The following SMARCA2 variants were observed in gnomAD, a reference collection of about 807,000 sequenced individuals.
SMARCA2 encodes SWI/SNF related BAF chromatin remodeling complex subunit ATPase 2, also known as SWI/SNF-related matrix-associated actin-dependent regulator of chromatin subfamily A member 2.
In SMARCA2, 61 loss-of-function variants were observed where a neutral mutation model predicts 199.8. The ratio of observed to expected loss-of-function variants is 0.31; its 90% CI spans 0.25 to 0.38. The LOEUF (loss-of-function observed/expected upper bound fraction) is 0.38, where lower values mean the gene tolerates loss of function less well. Ranked by LOEUF, SMARCA2 falls within the 10% of genes least tolerant of loss-of-function variation. The probability of loss-of-function intolerance (pLI) is 1.00; values close to 1 mark genes in which losing one functional copy is unlikely to be tolerated. For synonymous variants in SMARCA2, 935 were observed against 732.0 expected (o/e 1.28, Z -4.48); for missense variants, 1,344 against 2,012.2 (o/e 0.67, Z 6.35).
At chr9:2,042,650 G>T (rs1819658341) in intron 4 of SMARCA2, 1 of 151,620 alleles carries the variant, frequency 6.6e-6, no homozygotes, top group South Asian at 2.1e-4. Context: ...TTTCAGGAGA[G>T]GGCTCTATTT....
intron 6 of SMARCA2, among the ~76,000 whole-genome samples, chr9:2,055,403 C>T (rs971107023): frequency 6.6e-5 from 10 of 152,130 alleles, no homozygotes; most frequent in African/African-American, 2.2e-4. Context: ...GCGAGTTTTG[C>T]CTTGTGGACT....
chr9:2,060,570 C>G (rs931384912), intron 8 of SMARCA2, among the ~76,000 whole-genome samples: 1 of 152,160 alleles, frequency 6.6e-6, no homozygotes, highest in African/African-American at 2.4e-5. Context: ...TTAATCACAC[C>G]ACACGTACAG....
chr9:2,048,958 A>G (rs1481440220), intron 5 of SMARCA2, among the ~76,000 whole-genome samples: 1 of 152,242 alleles, frequency 6.6e-6, no homozygotes, highest in Non-Finnish European at 1.5e-5. Flanking sequence ...AAAAGTCAGT[A>G]ATAGAATAGA....
chr9:2,105,842 A>G (rs759946421), intron 23 of SMARCA2, among the ~76,000 whole-genome samples: 1 of 152,120 alleles, frequency 6.6e-6, no homozygotes, highest in African/African-American at 2.4e-5. Flanking sequence ...CTGCGTAACT[A>G]TCACTTGCTA....
chr9:2,109,632 T>G (rs909756260), intron 23 of SMARCA2, among the ~76,000 whole-genome samples: 14 of 151,366 alleles, frequency 9.2e-5, no homozygotes, highest in African/African-American at 3.4e-4. Context: ...AGATTTCTTG[T>G]GGGGGGGGTG....
intron 1 of SMARCA2, among the ~76,000 whole-genome samples, chr9:2,021,693 C>T (rs1444870756): frequency 6.6e-6 from 1 of 152,146 alleles, no homozygotes; most frequent in Non-Finnish European, 1.5e-5. Flanking sequence ...GTCCAAAATT[C>T]TGTAAAAAAT....
At chr9:2,136,436 C>T (rs1824200780) in intron 27 of SMARCA2, among the ~76,000 whole-genome samples, 1 of 152,182 alleles carries the variant, frequency 6.6e-6, no homozygotes, top group Admixed American at 6.5e-5. Flanking sequence ...GATCTGCCCA[C>T]CTCAGCCTCC....
rs1823171592 is a variant in SMARCA2, at chr9:2,115,330, AGTGTGTGTGTAT to A, written c.3457-481_3457-470del. Among the ~76,000 whole-genome samples the A allele has an allele frequency of 1.3e-5, 2 of 152,160 alleles. No individual in the cohort carries two copies. The highest frequency in any genetic ancestry group is 4.1e-4 in the South Asian group (2 of 4,822). On this transcript the variant is annotated intron_variant, in intron 24 of 33. Coordinates refer to ENST00000349721, the MANE Select transcript of SMARCA2 (RefSeq NM_003070.5). The surrounding 1 kb of genome is among the most constrained non-coding windows in gnomAD (Gnocchi z 6.0). ...GAGGAAATTGACTACCTGAGCAGTC[AGTGTGTGTGTAT>A]GTGTGTGTGTGGTAAGATGTATGTA...
chr9:2,039,623 C>A lies in SMARCA2; in HGVS notation c.513C>A (p.Pro171=), dbSNP rs148002538. ...CCATGAGCCAGCCCAACAGAGGTCC[C>A]TCACCTTTCAGTCCTGTCCAGCTGC... ...PQAMSQPNRG[P]SPFSPVQLHQ... is the part of the protein sequence containing the mutation. The change falls in exon 4 of 34, where the codon CCC becomes CCA. Residue 171 remains proline, a synonymous_variant. Transcript: ENST00000349721. This position sits in a 1 kb window ranked among gnomAD's most constrained non-coding sequence, Gnocchi z 4.8. 386 of 1,614,210 alleles carry A rather than the reference C, an allele frequency of 2.4e-4. 2 individuals carry two copies. In the African/African-American group the frequency reaches 4.6e-3, roughly 19 times the overall value.
At position 2,110,160 on chromosome 9, in the gene SMARCA2, G is replaced by T. The variant is rs1446485583; in HGVS notation, c.3293-94G>T. 3.2e-6 allele frequency: 3 copies of T among 940,414 alleles called. No homozygotes were observed. Among genetic ancestry groups the T allele is most frequent in the South Asian group, 1.8e-5 (1 of 56,582 alleles). The allele number at this position is 940,414 out of a possible 1,614,324, so 58.3% of individuals were successfully genotyped here. ...CTCACCAGTGTTAGGAGGAGTCTGG[G>T]TATATTTCTTGAAGGAAGCAAGCCT... On this transcript the variant is annotated intron_variant, in intron 23 of 33. Transcript: ENST00000349721. The surrounding 1 kb of genome is among the most constrained non-coding windows in gnomAD (Gnocchi z 4.8).
chr9:2,038,605 C>G (rs754455972), intron 3 of SMARCA2, among the ~76,000 whole-genome samples: 1 of 152,176 alleles, frequency 6.6e-6, no homozygotes, highest in Non-Finnish European at 1.5e-5. Context: ...ACTATATATT[C>G]TAGAGTTTCT....
At chr9:2,177,608 A>G (rs1826700385) in intron 29 of SMARCA2, among the ~76,000 whole-genome samples, 1 of 151,816 alleles carries the variant, frequency 6.6e-6, no homozygotes. Flanking sequence ...GCTGGAGTGC[A>G]GTGGCGCGAT....
chr9:2,144,787 A>ACTCACCTGTTGCTGATCACAACTCAT (rs1442077701), intron 27 of SMARCA2, among the ~76,000 whole-genome samples: 31 of 152,000 alleles, frequency 2.0e-4, no homozygotes, highest in East Asian at 5.8e-4. Context: ...TCATTAAGAG[A>ACTCACCTGTTGCTGATCACAACTCAT]CTCACCTGTT....
At chr9:2,152,114 T>C (rs1215514671) in intron 27 of SMARCA2, among the ~76,000 whole-genome samples, 1 of 152,208 alleles carries the variant, frequency 6.6e-6, no homozygotes, top group African/African-American at 2.4e-5. Context: ...GAATGTTAAA[T>C]AGTCTGATGA....
chr9:2,108,588 G>T lies in SMARCA2; in HGVS notation c.3293-1666G>T, dbSNP rs1822860514. 2.0e-5 allele frequency among the ~76,000 whole-genome samples: 3 copies of T among 152,140 alleles called. No homozygotes were observed. The South Asian group carries it at 6.2e-4, about 31-fold the overall frequency. On this transcript the variant is annotated intron_variant, in intron 23 of 33. Coordinates refer to ENST00000349721, the MANE Select transcript of SMARCA2 (RefSeq NM_003070.5). ...GATCTCTTCTTTCCCCATTTTAGAA[G>T]AAATTTTTGGTTTCTGTGGCTTTTC...
intron 29 of SMARCA2, among the ~76,000 whole-genome samples, chr9:2,176,877 C>A (rs1191572644): frequency 1.3e-5 from 2 of 152,126 alleles, no homozygotes; most frequent in African/African-American, 4.8e-5. Context: ...ATTTTAACAG[C>A]TACTGATTCC....
At chr9:2,097,295 G>T in intron 20 of SMARCA2, 90 bp from the exon 21 acceptor site, 1 of 816,544 alleles carries the variant, frequency 1.2e-6, no homozygotes. Flanking sequence ...ATGGTCCTTT[G>T]TCCTTTGTAT....
chr9:2,184,768 C>A (rs1350095712), intron 31 of SMARCA2, among the ~76,000 whole-genome samples: 3 of 152,142 alleles, frequency 2.0e-5, no homozygotes, highest in African/African-American at 7.2e-5. Flanking sequence ...CCTCATTTCT[C>A]ACCGCTGAAG....
intron 27 of SMARCA2, among the ~76,000 whole-genome samples, chr9:2,135,984 G>A (rs1025795427): frequency 1.3e-5 from 2 of 151,996 alleles, no homozygotes; most frequent in African/African-American, 4.8e-5. Flanking sequence ...TGGGACTACA[G>A]GCGAGTGCCA....
Sources: gnomAD v4.1 joint callset for allele counts (sites outside exome capture counted in the v4.1 genomes callset) on GRCh38, gnomAD v4.1.1 for gene constraint, Gnocchi (gnomAD v3.1) non-coding constraint, MANE v1.5 for transcripts, NCBI Gene and HGNC (gene_info 2026-07-23, HGNC 2026-07-21) for gene names.